The following YAP1 variants were observed in gnomAD, a reference collection of about 807,000 sequenced individuals.
YAP1 encodes transcriptional coactivator YAP1.
A neutral mutation model predicts 56.9 loss-of-function variants in YAP1; 5 were observed. The ratio of observed to expected loss-of-function variants is 0.09; its 90% CI spans 0.05 to 0.18. YAP1 has a LOEUF of 0.18. Ranked by LOEUF, YAP1 falls within the 10% of genes least tolerant of loss-of-function variation. The probability of loss-of-function intolerance (pLI) is 1.00; values close to 1 mark genes in which losing one functional copy is unlikely to be tolerated. For missense variants in YAP1, 539 were observed against 651.8 expected (o/e 0.83, Z 1.88); for synonymous variants, 265 against 248.1 (o/e 1.07, Z -0.64).
Position 102,161,011 on chromosome 11 carries a change from C to G in YAP1, c.573-1445C>G, listed in dbSNP as rs145437624. 2.9e-3 allele frequency among the ~76,000 whole-genome samples: 447 copies of G among 151,764 alleles called. 1 individual carries two copies. The highest frequency in any genetic ancestry group is 5.1e-3 in the Non-Finnish European group (344 of 67,948). On this transcript the variant is annotated intron_variant, in intron 2 of 8. Coordinates refer to ENST00000282441, the MANE Select transcript of YAP1 (RefSeq NM_001130145.3). ...TCCTACTCACTGTACTCTCACTGTC[C>G]CTCTAAAATGGCTCTTGGCCAGTGT...
intron 2 of YAP1, among the ~76,000 whole-genome samples, chr11:102,147,388 T>A (rs927469248): frequency 6.6e-6 from 1 of 152,200 alleles, no homozygotes; most frequent in African/African-American, 2.4e-5. Flanking sequence ...TTTCTACATG[T>A]ACATGCGGGA....
At chr11:102,166,192 T>C (rs1458000394) in intron 3 of YAP1, among the ~76,000 whole-genome samples, 1 of 152,142 alleles carries the variant, frequency 6.6e-6, no homozygotes, top group Non-Finnish European at 1.5e-5. Context: ...ATCAGACAAG[T>C]TTATATCTGG....
At chr11:102,207,054 C>CTTATT (rs1377963078) in intron 5 of YAP1, among the ~76,000 whole-genome samples, 1 of 151,994 alleles carries the variant, frequency 6.6e-6, no homozygotes, top group East Asian at 1.9e-4. Flanking sequence ...TTTACTTTAT[C>CTTATT]TTATTTCAGA....
chr11:102,124,603 G>A (rs1427539881), intron 2 of YAP1, among the ~76,000 whole-genome samples: 1 of 151,944 alleles, frequency 6.6e-6, no homozygotes, highest in Non-Finnish European at 1.5e-5. Context: ...TGGAATTCTT[G>A]CTAGTCAGGA....
At chr11:102,114,510 A>G (rs1452033066) in intron 2 of YAP1, 116 bp downstream of exon 2, 1 of 1,277,538 alleles carries the variant, frequency 7.8e-7, no homozygotes, top group African/African-American at 1.5e-5. Flanking sequence ...TTTAATATTT[A>G]TGTTAAGCTC....
intron 4 of YAP1, among the ~76,000 whole-genome samples, chr11:102,200,493 G>A (rs894593970): frequency 9.3e-5 from 14 of 150,076 alleles, no homozygotes; most frequent in Non-Finnish European, 1.5e-5. Context: ...TGCCCAGGCT[G>A]GAGTGCAATG....
chr11:102,223,081 T>TA (rs35885067), intron 6 of YAP1, among the ~76,000 whole-genome samples: 110 of 150,378 alleles, frequency 7.3e-4, no homozygotes, highest in Middle Eastern at 6.8e-3. Context: ...CCGTCTCTAC[T>TA]AAAAAAAATA....
chr11:102,228,905 T>A (rs1233720540), intron 8 of YAP1, among the ~76,000 whole-genome samples: 1 of 152,190 alleles, frequency 6.6e-6, no homozygotes, highest in Non-Finnish European at 1.5e-5. Context: ...GCTTTGATGC[T>A]TTCTAGAATC....
chr11:102,181,802 A>G (rs1179062474), intron 3 of YAP1, among the ~76,000 whole-genome samples: 1 of 152,112 alleles, frequency 6.6e-6, no homozygotes, highest in Non-Finnish European at 1.5e-5. Context: ...GAAGAATTCT[A>G]AGTGGTTGTG....
chr11:102,187,470 A>G (rs906931679), intron 4 of YAP1, among the ~76,000 whole-genome samples: 3 of 152,204 alleles, frequency 2.0e-5, no homozygotes, highest in Admixed American at 6.5e-5. Context: ...TAAGATAGAG[A>G]ATTTAATAAA....
At chr11:102,163,172 T>A (rs1946398768) in intron 3 of YAP1, among the ~76,000 whole-genome samples, 2 of 152,158 alleles carry the variant, frequency 1.3e-5, no homozygotes, top group Non-Finnish European at 2.9e-5. Context: ...TGAGTATAAA[T>A]CTTTTTCTAC....
At chr11:102,202,171 T>A (rs188690283) in intron 4 of YAP1, among the ~76,000 whole-genome samples, 45 of 152,060 alleles carry the variant, frequency 3.0e-4, no homozygotes, top group African/African-American at 5.5e-4. Flanking sequence ...TATTATTTTT[T>A]TTTTTTGAGA....
chr11:102,218,765 T>C (rs1949778952), intron 6 of YAP1, among the ~76,000 whole-genome samples: 1 of 152,228 alleles, frequency 6.6e-6, no homozygotes, highest in South Asian at 2.1e-4. Flanking sequence ...ATTTCCCTGC[T>C]TACTGACATC....
chr11:102,233,312 T>G lies in YAP1; in HGVS notation c.*3372T>G, dbSNP rs2135741402. 6.6e-6 allele frequency: 1 copy of G among 152,364 alleles called. No homozygotes were observed. Among genetic ancestry groups the G allele is most frequent in the African/African-American group, 2.4e-5 (1 of 41,592 alleles). 9.4% of individuals were successfully genotyped at this position (152,364 alleles called of 1,614,324 possible). On this transcript the variant is annotated 3_prime_UTR_variant, in exon 9 of 9. Transcript: ENST00000282441. ...ACCTTTTTATTTTTTGTTTTAGATG[T>G]AAGAGCATGCTCATATGTTAGGTAC...
chr11:102,193,968 G>A (rs1295192604), intron 4 of YAP1, among the ~76,000 whole-genome samples: 4 of 151,750 alleles, frequency 2.6e-5, no homozygotes, highest in Non-Finnish European at 4.4e-5. Context: ...CACCGTGCCC[G>A]GCTAATTTTT....
chr11:102,129,784 A>T (rs1232266709), intron 2 of YAP1, among the ~76,000 whole-genome samples: 1 of 150,208 alleles, frequency 6.7e-6, no homozygotes, highest in Non-Finnish European at 1.5e-5. Context: ...TTGGGTGAAA[A>T]GGAAGCAAAA....
chr11:102,138,032 C>T (rs1480242243), intron 2 of YAP1, among the ~76,000 whole-genome samples: 3 of 152,074 alleles, frequency 2.0e-5, no homozygotes, highest in African/African-American at 7.2e-5. Flanking sequence ...GGATTACAGG[C>T]GCGTGCCACC....
chr11:102,185,323 A>G lies in YAP1; in HGVS notation c.689-695A>G, dbSNP rs527730488. On this transcript the variant is annotated intron_variant, in intron 3 of 8. Coordinates refer to ENST00000282441, the MANE Select transcript of YAP1 (RefSeq NM_001130145.3). The stretch of plus-strand genomic sequence containing the variant: ...AGAGTTAACTGTATTCTTTAGTCCT[A>G]TCTCTCAAATGATGTTCCTTAAAGT... 1.5e-3 allele frequency among the ~76,000 whole-genome samples: 232 copies of G among 152,282 alleles called. 1 individual carries two copies. The highest frequency in any genetic ancestry group is 4.9e-3 in the African/African-American group (203 of 41,572).
chr11:102,170,089 TC>T (rs1386084922), intron 3 of YAP1, among the ~76,000 whole-genome samples: 3 of 152,212 alleles, frequency 2.0e-5, no homozygotes, highest in Admixed American at 2.0e-4. Context: ...TTTCTAATCA[TC>T]GCTCTTGACT....
Sources: gnomAD v4.1 joint callset for allele counts (sites outside exome capture counted in the v4.1 genomes callset) on GRCh38, gnomAD v4.1.1 for gene constraint, MANE v1.5 for transcripts, NCBI Gene and HGNC (gene_info 2026-07-23, HGNC 2026-07-21) for gene names.